The following SALL3 variants were observed in gnomAD, a reference collection of about 807,000 sequenced individuals.
SALL3 encodes the protein spalt like transcription factor 3, also known as sal-like protein 3.
Under a neutral mutation model 66.2 loss-of-function variants are expected in SALL3, and 25 were observed. The observed-to-expected ratio is 0.38, with a 90% CI of 0.28 to 0.53. The LOEUF is 0.53. Among genes scored for constraint, SALL3 ranks in the 20% least tolerant of loss-of-function variants. The pLI, the probability that SALL3 is intolerant of heterozygous loss-of-function variation, is 0.85. For missense variants in SALL3, 2,194 were observed against 1,916.5 expected (o/e 1.14, Z -2.70); for synonymous variants, 1,152 against 899.1 (o/e 1.28, Z -5.03).
chr18:78,986,168 T>C (rs1251292599), intron 1 of SALL3, among the ~76,000 whole-genome samples: 1 of 152,238 alleles, frequency 6.6e-6, no homozygotes, highest in Non-Finnish European at 1.5e-5. Flanking sequence ...CCCATCTGCA[T>C]GTACCCATAA....
chr18:78,980,416 A>T, intron 1 of SALL3, 60 bp downstream of exon 1: 1 of 1,083,558 alleles, frequency 9.2e-7, no homozygotes, highest in Non-Finnish European at 1.2e-6. Flanking sequence ...GGGCTGGGGA[A>T]GCGCGTGCGG....
intron 1 of SALL3, among the ~76,000 whole-genome samples, chr18:78,981,179 G>A (rs1375211341): frequency 1.3e-5 from 2 of 152,356 alleles, no homozygotes; most frequent in African/African-American, 4.8e-5. Context: ...GACTGGCAAA[G>A]GGCTGGACTT....
At chr18:78,990,866 C>CA (rs935609073) in intron 1 of SALL3, among the ~76,000 whole-genome samples, 1 of 152,050 alleles carries the variant, frequency 6.6e-6, no homozygotes, top group Non-Finnish European at 1.5e-5. Flanking sequence ...CCCAACCACC[C>CA]AAAAAATGGA....
In SALL3 at chr18:78,992,122, G is replaced by GCAGCGGGGGCGAGGAGAC. The variant is rs1216412735; in HGVS notation, c.137_154dup (p.Gly46_Ser51dup). ...GACGCAGACAGCGGGCCCGAGAGCC[G>GCAGCGGGGGCGAGGAGAC]CAGCGGGGGCGAGGAGACCAGCGTG... On this transcript the variant is annotated inframe_insertion, in exon 2 of 3. Transcript: ENST00000537592. 1.3e-6 allele frequency: 2 copies of GCAGCGGGGGCGAGGAGAC among 1,596,232 alleles called. No homozygotes were observed. The highest frequency in any genetic ancestry group is 1.7e-6 in the Non-Finnish European group (2 of 1,172,474).
intron 1 of SALL3, 71 bp downstream of exon 1, chr18:78,980,427 C>G: frequency 1.0e-6 from 1 of 985,704 alleles, no homozygotes; most frequent in Non-Finnish European, 1.3e-6. Context: ...GCGCGTGCGG[C>G]GGGAGCGGAT....
Position 78,992,543 on chromosome 18 carries a change from C to A in SALL3, c.552C>A (p.Gly184=), listed in dbSNP as rs764683353. 2.7e-6 allele frequency: 4 copies of A among 1,481,550 alleles called. No individual in the cohort carries two copies. Among genetic ancestry groups the A allele is most frequent in the African/African-American group, 2.9e-5 (2 of 68,180 alleles). The allele number at this position is 1,481,550 out of a possible 1,614,324, so 91.8% of individuals were successfully genotyped here. A position where few individuals can be genotyped will look rare whatever the true frequency, so the allele number is the denominator to read the frequency against. ...TGGCGGTGGCGCAGTTCTCGCAGGG[C>A]GCGCGCGCGGCAGGCGGCTCGGGAG... The part of the protein sequence containing the change: ...TKVAVAQFSQ[G]ARAAGGSGAG... Residue 184 remains glycine, a synonymous_variant, in exon 2 of 3, where the codon GGC becomes GGA. Coordinates refer to ENST00000537592, the MANE Select transcript of SALL3 (RefSeq NM_171999.4).
intron 1 of SALL3, among the ~76,000 whole-genome samples, chr18:78,981,688 A>G (rs1230588297): frequency 6.6e-6 from 1 of 152,232 alleles, no homozygotes; most frequent in Non-Finnish European, 1.5e-5. Context: ...CCAAGATGAG[A>G]ACAGGCGATA....
At chr18:78,985,607 G>T (rs988362332) in intron 1 of SALL3, among the ~76,000 whole-genome samples, 1 of 152,222 alleles carries the variant, frequency 6.6e-6, no homozygotes, top group African/African-American at 2.4e-5. Flanking sequence ...GCTGACAAAT[G>T]ATGGAAATGA....
Position 78,994,555 on chromosome 18 carries a change from G to A in SALL3, c.2564G>A (p.Ser855Asn). 1 of 1,611,588 alleles carries A rather than the reference G, an allele frequency of 6.2e-7. No homozygotes were observed. Among genetic ancestry groups the A allele is most frequent in the South Asian group, 1.1e-5 (1 of 91,056 alleles). Residue 855 changes from serine (S) to asparagine (N), a missense_variant, in exon 2 of 3, where the codon AGC becomes AAC. Physicochemically the swap from Ser to Asn is conservative, Grantham distance 46. Transcript: ENST00000537592. ...ATGAAGATGATCGACTCGGTCATGA[G>A]CTGCCAGCAGCTGACCGGCCTCAAG... ...NQMKMIDSVM[S>N]CQQLTGLKSV...
In SALL3 at chr18:78,997,936, T is replaced by C. The variant is rs1198994813; in HGVS notation, c.*614T>C. On this transcript the variant is annotated 3_prime_UTR_variant, in exon 3 of 3. Transcript: ENST00000537592. Reference sequence around the variant, plus strand: ...GTTTTACTATAAATAAGTGGATTATTTCAATGCAGGCAAAATTGTGAAGTT... The same window carrying C: ...GTTTTACTATAAATAAGTGGATTATCTCAATGCAGGCAAAATTGTGAAGTT... 1.3e-5 allele frequency: 2 copies of C among 152,654 alleles called. No individual in the cohort carries two copies. The highest frequency in any genetic ancestry group is 2.4e-5 in the African/African-American group (1 of 41,432). The allele number at this position is 152,654 out of a possible 1,614,324, so 9.5% of individuals were successfully genotyped here.
At chr18:78,981,756 CATGGAA>C (rs1298250415) in intron 1 of SALL3, among the ~76,000 whole-genome samples, 9 of 152,136 alleles carry the variant, frequency 5.9e-5, no homozygotes, top group Non-Finnish European at 1.2e-4. Flanking sequence ...ATCTTTTTGT[CATGGAA>C]ATGGATTTTT....
intron 1 of SALL3, among the ~76,000 whole-genome samples, chr18:78,981,043 C>T (rs1408030645): frequency 6.6e-6 from 1 of 152,182 alleles, no homozygotes; most frequent in African/African-American, 2.4e-5. Context: ...CGGGCCTTTT[C>T]TCTCCCGTCT....
In SALL3 at chr18:78,994,993, A is replaced by G. The variant is rs536386156; in HGVS notation, c.3002A>G (p.Lys1001Arg). 1 of 1,613,898 alleles carries G rather than the reference A, an allele frequency of 6.2e-7. No homozygotes were observed. The highest frequency in any genetic ancestry group is 1.3e-5 in the African/African-American group (1 of 75,062). ...GAAATCCACTACCGCAGCCATACTA[A>G]GGAGCGGCCATTCGTCTGCGCGCTC... ...ALEIHYRSHT[K>R]ERPFVCALCR... The change falls in exon 2 of 3, where the codon AAG (lysine) becomes AGG (arginine). Residue 1001 changes from lysine to arginine, a missense_variant. Transcript: ENST00000537592.
In SALL3 at chr18:78,980,185, C is replaced by A; in HGVS notation, c.-90C>A. The A allele has an allele frequency of 2.3e-6, 1 of 441,132 alleles. No homozygotes were observed. Among genetic ancestry groups the A allele is most frequent in the Non-Finnish European group, 3.0e-6 (1 of 335,798 alleles). The allele number at this position is 441,132 out of a possible 1,614,324, so 27.3% of individuals were successfully genotyped here. A position where few individuals can be genotyped will look rare whatever the true frequency, so the allele number is the denominator to read the frequency against. On this transcript the variant is annotated 5_prime_UTR_variant, in exon 1 of 3. Transcript: ENST00000537592. ...AGCCGCCGCCGCCCCGCGCCCCGCG[C>A]CGCGCGCCCGCCAGGCCGCCCCGCG... is the stretch of plus-strand genomic sequence containing the variant.
Position 78,992,179 on chromosome 18 carries a change from G to T in SALL3, c.188G>T (p.Trp63Leu). Residue 63 changes from tryptophan (W) to leucine (L), a missense_variant, in exon 2 of 3, where the codon TGG (tryptophan) becomes TTG (leucine). Physicochemically the swap from Trp to Leu is moderately conservative, Grantham distance 61. Coordinates refer to ENST00000537592, the MANE Select transcript of SALL3 (RefSeq NM_171999.4). Reference protein sequence around the residue: ...CEKCCAEFFKWADFLEHQRSC... With the variant: ...CEKCCAEFFKLADFLEHQRSC... ...AAATGCTGCGCCGAGTTCTTCAAGT[G>T]GGCGGACTTCCTGGAGCACCAGCGG... is the stretch of plus-strand genomic sequence containing the variant. 1 of 1,610,336 alleles carries T rather than the reference G, an allele frequency of 6.2e-7. No individual in the cohort carries two copies. The highest frequency in any genetic ancestry group is 8.5e-7 in the Non-Finnish European group (1 of 1,179,050).
At chr18:78,983,526 T>C (rs566117828) in intron 1 of SALL3, among the ~76,000 whole-genome samples, 3 of 152,400 alleles carry the variant, frequency 2.0e-5, no homozygotes, top group Non-Finnish European at 4.4e-5. Context: ...TGTTTTTTTT[T>C]CTGCCAACTT....
rs767597542 is a variant in SALL3 at position 78,993,566 on chromosome 18, C to T, written c.1575C>T (p.Ser525=). Residue 525 remains serine (S), a synonymous_variant, in exon 2 of 3, where the codon TCC becomes TCT. Transcript: ENST00000537592. Reference sequence around the variant, plus strand: ...CCGTGCTGCCCACCGTGCCCACGTCCGTGGGGCTGCAACTGCCGCCCACTG... The same window carrying T: ...CCGTGCTGCCCACCGTGCCCACGTCTGTGGGGCTGCAACTGCCGCCCACTG... ...SKPVLPTVPT[S]VGLQLPPTVP... The T allele has an allele frequency of 1.9e-6, 3 of 1,590,238 alleles. No individual in the cohort carries two copies. The South Asian group carries it at 3.4e-5, about 18-fold the overall frequency.
chr18:78,984,843 C>A (rs1914189413), intron 1 of SALL3, among the ~76,000 whole-genome samples: 1 of 152,150 alleles, frequency 6.6e-6, no homozygotes, highest in South Asian at 2.1e-4. Flanking sequence ...AGACGGTGTC[C>A]ACCAAGGGGA....
chr18:78,992,599 C>T lies in SALL3; in HGVS notation c.608C>T (p.Pro203Leu), dbSNP rs201351909. The change falls in exon 2 of 3, where the codon CCC (proline) becomes CTC (leucine). Residue 203 changes from proline to leucine, a missense_variant. By Grantham distance (98) the Pro-to-Leu change is moderately conservative. Coordinates refer to ENST00000537592, the MANE Select transcript of SALL3 (RefSeq NM_171999.4). ...AGGGVAAAAV[P>L]LILEQLMALQ... ...GGAGGCGTGGCAGCTGCAGCCGTGCCCCTGATCCTGGAACAGCTCATGGCC... is the reference window on the plus strand; with the variant it reads ...GGAGGCGTGGCAGCTGCAGCCGTGCTCCTGATCCTGGAACAGCTCATGGCC... 3 of 1,539,590 alleles carry T rather than the reference C, an allele frequency of 1.9e-6. No individual in the cohort carries two copies. Among genetic ancestry groups the T allele is most frequent in the Admixed American group, 1.8e-5 (1 of 55,232 alleles).
Sources: gnomAD v4.1 joint callset for allele counts (sites outside exome capture counted in the v4.1 genomes callset) on GRCh38, gnomAD v4.1.1 for gene constraint, MANE v1.5 for transcripts, NCBI Gene and HGNC (gene_info 2026-07-23, HGNC 2026-07-21) for gene names.